IMPG2: variants seen among roughly 807,000 people sequenced by gnomAD.
The protein encoded by IMPG2 is interphotoreceptor matrix proteoglycan 2.
A neutral mutation model predicts 129.2 loss-of-function variants in IMPG2; 91 were observed. That is an observed-to-expected ratio of 0.70 (90% CI 0.59 to 0.84). The LOEUF is 0.84. Ranked by LOEUF, IMPG2 falls within the 40% of genes least tolerant of loss-of-function variation. The pLI is 0.00. For missense variants in IMPG2, 1,430 were observed against 1,461.7 expected, an observed-to-expected ratio of 0.98 and a Z score of 0.35; for synonymous variants, 510 against 517.7, an observed-to-expected ratio of 0.99 and a Z score of 0.20.
intron 7 of IMPG2, 120 bp from the exon 8 acceptor site, chr3:101,269,693 C>T (rs1366595065): frequency 7.9e-6 from 5 of 633,050 alleles, no homozygotes; most frequent in Admixed American, 2.9e-5. Context: ...AGCTTATACA[C>T]TTAGCTAGGC....
Position 101,257,596 on chromosome 3 carries a change from C to G in IMPG2, c.1086G>C (p.Leu362Phe), listed in dbSNP as rs754874845. 6.2e-7 allele frequency: 1 copy of G among 1,613,276 alleles called. No homozygotes were observed. The highest frequency in any genetic ancestry group is 2.2e-5 in the East Asian group (1 of 44,864). The change falls in exon 10 of 19, where the codon TTG becomes TTC. Residue 362 changes from leucine to phenylalanine, a missense_variant. Leu to Phe is a conservative substitution (Grantham distance 22, BLOSUM62 0). Transcript: ENST00000193391. The part of the protein sequence containing the change: ...SNFRDYIAET[L>F]QQNFLLGNSS... ...AGTTCCCCAGCAAAAAATTCTGCTG[C>G]AATGTCTCAGCAATATAATCTCTGA...
In IMPG2 at chr3:101,320,317, A is replaced by G. The variant is rs1317738830; in HGVS notation, c.56T>C (p.Leu19Pro). Reference sequence around the variant, plus strand: ...TAATGATGGAAAGTCTCCTTCTATCAGGACAAATATCAAAATACCCAGAGA... The same window carrying G: ...TAATGATGGAAAGTCTCCTTCTATCGGGACAAATATCAAAATACCCAGAGA... The part of the protein sequence containing the change: ...KISLGILIFV[L>P]IEGDFPSLTA... Residue 19 changes from leucine (L) to proline (P), a missense_variant, in exon 1 of 19, where the codon CTG (leucine) becomes CCG (proline). Transcript: ENST00000193391. 7.5e-6 allele frequency: 12 copies of G among 1,604,892 alleles called. No homozygotes were observed. The highest frequency in any genetic ancestry group is 9.4e-6 in the Non-Finnish European group (11 of 1,172,414).
At chr3:101,249,768 A>C (rs775005041) in intron 11 of IMPG2, among the ~76,000 whole-genome samples, 10 of 151,432 alleles carry the variant, frequency 6.6e-5, no homozygotes, top group Non-Finnish European at 1.5e-4. Flanking sequence ...CCCTGAGGAT[A>C]ATATGACATG....
rs990371371 is a variant in IMPG2, at chr3:101,246,044, G to A, written c.1301C>T (p.Pro434Leu). The change falls in exon 12 of 19, where the codon CCA (proline) becomes CTA (leucine). Residue 434 changes from proline (P) to leucine (L), a missense_variant. Transcript: ENST00000193391. ...GGGAGGACCAGAGCTGAAATCAAGT[G>A]GTGGAATACTGCTGGTGATGGATTC... is the stretch of plus-strand genomic sequence containing the variant. ...ADESITSSIP[P>L]LDFSSGPPSA... 1 of 1,613,822 alleles carries A rather than the reference G, an allele frequency of 6.2e-7. No homozygotes were observed. The highest frequency in any genetic ancestry group is 1.3e-5 in the African/African-American group (1 of 74,900).
intron 9 of IMPG2, among the ~76,000 whole-genome samples, chr3:101,259,164 C>G (rs1706643436): frequency 6.6e-6 from 1 of 152,142 alleles, no homozygotes; most frequent in African/African-American, 2.4e-5. Context: ...TACCACTCAT[C>G]ACTCTGGCTT....
chr3:101,302,613 G>A (rs1357334430), intron 3 of IMPG2, among the ~76,000 whole-genome samples: 1 of 151,954 alleles, frequency 6.6e-6, no homozygotes, highest in Non-Finnish European at 1.5e-5. Context: ...TGTAAAATGG[G>A]GACATTACCA....
intron 17 of IMPG2, 74 bp downstream of exon 17, chr3:101,229,306 A>ACCC: frequency 8.3e-6 from 3 of 362,588 alleles, no homozygotes; most frequent in African/African-American, 3.0e-5. Flanking sequence ...ACACACCCCC[A>ACCC]CCCACCACCC....
intron 3 of IMPG2, among the ~76,000 whole-genome samples, chr3:101,300,844 G>T (rs1245618087): frequency 6.6e-6 from 1 of 152,172 alleles, no homozygotes; most frequent in African/African-American, 2.4e-5. Flanking sequence ...TTTCCTTTGC[G>T]TTCACAACTT....
chr3:101,236,808 G>C (rs1706351322), intron 14 of IMPG2, among the ~76,000 whole-genome samples: 1 of 152,152 alleles, frequency 6.6e-6, no homozygotes, highest in Non-Finnish European at 1.5e-5. Flanking sequence ...GCAGGAGTTG[G>C]TTTGTTTTTG....
At chr3:101,229,300 A>ACCCCCCCCCCCCCCCCCCCCCGCCCC in intron 17 of IMPG2, 80 bp downstream of exon 17, 1 of 859,118 alleles carries the variant, frequency 1.2e-6, no homozygotes, top group East Asian at 2.9e-5. Context: ...ACTCATACAC[A>ACCCCCCCCCCCCCCCCCCCCCGCCCC]CCCCCACCCA....
chr3:101,305,590 C>T (rs886972676), intron 2 of IMPG2, among the ~76,000 whole-genome samples: 3 of 151,964 alleles, frequency 2.0e-5, no homozygotes, highest in Admixed American at 6.6e-5. Flanking sequence ...TGAGGGAATA[C>T]ATGGTAACTC....
intron 3 of IMPG2, among the ~76,000 whole-genome samples, chr3:101,292,505 A>G (rs1707030297): frequency 6.6e-6 from 1 of 152,228 alleles, no homozygotes; most frequent in East Asian, 1.9e-4. Flanking sequence ...TAAAAAATGC[A>G]AACAATCCTC....
intron 2 of IMPG2, among the ~76,000 whole-genome samples, chr3:101,312,605 T>C (rs1707279665): frequency 6.6e-6 from 1 of 152,084 alleles, no homozygotes; most frequent in Non-Finnish European, 1.5e-5. Context: ...TGGAAATTAG[T>C]CTGGCAGTTC....
In IMPG2 at chr3:101,319,569, T is replaced by A; in HGVS notation, c.334+15A>T. The A allele has an allele frequency of 6.2e-7, 1 of 1,613,088 alleles. No individual in the cohort carries two copies. Among genetic ancestry groups the A allele is most frequent in the Non-Finnish European group, 8.5e-7 (1 of 1,179,578 alleles). On this transcript the variant is annotated intron_variant, in intron 2 of 18. Transcript: ENST00000193391. ...AATTTCATTATGGAGCTGAAGGATT[T>A]GGATGTTCGCTTACCTCGGACTTTA...
intron 14 of IMPG2, among the ~76,000 whole-genome samples, chr3:101,240,854 GCTGA>G (rs897071287): frequency 6.6e-6 from 1 of 152,124 alleles, no homozygotes; most frequent in African/African-American, 2.4e-5. Flanking sequence ...AAAGAATAGG[GCTGA>G]CTTTCAAACC....
chr3:101,306,520 C>A (rs1437125251), intron 2 of IMPG2, among the ~76,000 whole-genome samples: 2 of 152,248 alleles, frequency 1.3e-5, no homozygotes, highest in East Asian at 3.9e-4. Context: ...TTTTTCATTT[C>A]TTCTTCTTAA....
chr3:101,283,555 A>G (rs189016365), intron 4 of IMPG2, among the ~76,000 whole-genome samples: 45 of 152,338 alleles, frequency 3.0e-4, no homozygotes, highest in Middle Eastern at 3.4e-3. Context: ...TCTTTCCAAC[A>G]TGGTACATAT....
intron 14 of IMPG2, among the ~76,000 whole-genome samples, chr3:101,241,994 A>T (rs1043749250): frequency 6.6e-6 from 1 of 151,560 alleles, no homozygotes. Context: ...ACACCATTAC[A>T]CTCCAGCCTG....
intron 2 of IMPG2, among the ~76,000 whole-genome samples, chr3:101,314,452 T>C (rs924976671): frequency 7.9e-5 from 12 of 152,146 alleles, no homozygotes; most frequent in Non-Finnish European, 4.4e-5. Context: ...TAAACTTGTA[T>C]AGTAAGTTTT....
Sources: allele counts gnomAD v4.1 joint callset (sites outside exome capture counted in the v4.1 genomes callset), GRCh38; gene constraint gnomAD v4.1.1; transcripts MANE v1.5; gene names NCBI Gene and HGNC (gene_info 2026-07-23, HGNC 2026-07-21).